Variants in DLC1 observed in about 807,000 individuals in gnomAD.
DLC1 encodes rho GTPase-activating protein 7.
Under a neutral mutation model 140.3 loss-of-function variants are expected in DLC1, and 54 were observed. That is an observed-to-expected ratio of 0.38 (90% CI 0.31 to 0.48). The LOEUF (loss-of-function observed/expected upper bound fraction) is 0.48. Among genes scored for constraint, DLC1 ranks in the 20% least tolerant of loss-of-function variants. The pLI, the probability that DLC1 is intolerant of heterozygous loss-of-function variation, is 0.96. For missense variants in DLC1, 2,536 were observed against 1,907.0 expected, an observed-to-expected ratio of 1.33 and a Z score of -6.14; for synonymous variants, 986 against 728.1, an observed-to-expected ratio of 1.35 and a Z score of -5.70.
rs756980680 is a variant in DLC1 at position 13,499,543 on chromosome 8, C to G, written c.529G>C (p.Glu177Gln). The G allele has an allele frequency of 8.1e-6, 13 of 1,614,160 alleles. No individual in the cohort carries two copies. Among genetic ancestry groups the G allele is most frequent in the Admixed American group, 1.7e-5 (1 of 60,028 alleles). The change falls in exon 2 of 18, where the codon GAA becomes CAA. Residue 177 changes from glutamate to glutamine, a missense_variant. Glu to Gln is a conservative substitution (Grantham distance 29, BLOSUM62 2). Coordinates refer to ENST00000276297, the MANE Select transcript of DLC1 (RefSeq NM_182643.3). ...TCAGTAACTTTTCTCTCCCCACTTT[C>G]TTTTACCAGTGCTAATTCAGTTTCA... is the stretch of plus-strand genomic sequence containing the variant. ...AGETELALVK[E>Q]SGERKVTDSI... is the part of the protein sequence containing the mutation.
chr8:13,493,960 G>T (rs1801381335), intron 2 of DLC1, among the ~76,000 whole-genome samples: 1 of 152,168 alleles, frequency 6.6e-6, no homozygotes, highest in African/African-American at 2.4e-5. Flanking sequence ...ATTTTTATCA[G>T]TCATAGACAA....
At chr8:13,487,024 C>T (rs1801000814) in intron 2 of DLC1, among the ~76,000 whole-genome samples, 1 of 152,124 alleles carries the variant, frequency 6.6e-6, no homozygotes, top group African/African-American at 2.4e-5. Context: ...GCAAATTATC[C>T]ACCGGCCCTC....
At position 13,401,484 on chromosome 8, in the gene DLC1, G is replaced by A. The variant is rs777009688; in HGVS notation, c.1159C>T (p.Arg387Trp). ...SSPSGTPTNL[R>W]RHVPDLESGS... The stretch of plus-strand genomic sequence containing the variant: ...GGAAAGCTCACAGGAACGTGCCGCC[G>A]CAGGTTTGTTGGTGTGCCTGATGGA... The change falls in exon 3 of 18, where the codon CGG (arginine) becomes TGG (tryptophan). Residue 387 changes from arginine to tryptophan, a missense_variant. By Grantham distance (101) the Arg-to-Trp change is moderately radical. Transcript: ENST00000276297. 7.4e-6 allele frequency: 12 copies of A among 1,612,354 alleles called. No homozygotes were observed. Among genetic ancestry groups the A allele is most frequent in the Middle Eastern group, 2.1e-4 (1 of 4,702 alleles).
intron 5 of DLC1, among the ~76,000 whole-genome samples, chr8:13,208,038 G>T (rs574227575): frequency 6.6e-6 from 1 of 152,244 alleles, no homozygotes; most frequent in East Asian, 1.9e-4. Context: ...ATTCACCATA[G>T]TATTTTGATT....
At position 13,367,655 on chromosome 8, in the gene DLC1, G is replaced by C. The variant is rs112024774; in HGVS notation, c.1314+25898C>G. Among the ~76,000 whole-genome samples the C allele has an allele frequency of 8.5e-5, 13 of 152,264 alleles. 1 individual carries two copies. Among genetic ancestry groups the C allele is most frequent in the African/African-American group, 3.1e-4 (13 of 41,556 alleles). On this transcript the variant is annotated intron_variant, in intron 4 of 17. Coordinates refer to ENST00000276297, the MANE Select transcript of DLC1 (RefSeq NM_182643.3). ...TGTATCCTTTGAAGTCATCATATCA[G>C]GCACTTTGTGATGTTTAGTGAAATA...
chr8:13,209,164 G>T (rs1382242663), intron 5 of DLC1, among the ~76,000 whole-genome samples: 1 of 152,118 alleles, frequency 6.6e-6, no homozygotes, highest in Non-Finnish European at 1.5e-5. Flanking sequence ...TACAGGAACT[G>T]CTAATAATTC....
intron 4 of DLC1, among the ~76,000 whole-genome samples, chr8:13,353,703 A>G (rs1015771060): frequency 2.0e-5 from 3 of 152,076 alleles, no homozygotes; most frequent in African/African-American, 7.2e-5. Context: ...ATTAAAATAT[A>G]AAAGTTAGCC....
intron 4 of DLC1, among the ~76,000 whole-genome samples, chr8:13,312,867 A>G (rs1190994645): frequency 6.6e-6 from 1 of 152,176 alleles, no homozygotes; most frequent in East Asian, 1.9e-4. Flanking sequence ...AGTAATGTAG[A>G]CATGTAGGCT....
chr8:13,471,658 C>G (rs1268308393), intron 2 of DLC1, among the ~76,000 whole-genome samples: 1 of 151,670 alleles, frequency 6.6e-6, no homozygotes, highest in Non-Finnish European at 1.5e-5. Context: ...ATGTAACAAA[C>G]CCACGCTTGT....
chr8:13,243,644 T>C (rs929699622), intron 5 of DLC1, among the ~76,000 whole-genome samples: 1 of 152,218 alleles, frequency 6.6e-6, no homozygotes, highest in Admixed American at 6.5e-5. Context: ...TGTTTCTCTT[T>C]GTCACTGTTG....
chr8:13,441,272 G>A (rs1345431456), intron 2 of DLC1, among the ~76,000 whole-genome samples: 2 of 152,116 alleles, frequency 1.3e-5, no homozygotes, highest in Admixed American at 1.3e-4. Context: ...GGCAAAAACT[G>A]GAAGCATTCC....
At chr8:13,410,989 C>G (rs73205786) in intron 2 of DLC1, among the ~76,000 whole-genome samples, 2 of 152,102 alleles carry the variant, frequency 1.3e-5, no homozygotes, top group Non-Finnish European at 2.9e-5. Flanking sequence ...AAAAATGAAC[C>G]CACCTGCAGA....
intron 5 of DLC1, among the ~76,000 whole-genome samples, chr8:13,162,612 G>A (rs1054209439): frequency 7.2e-5 from 11 of 152,186 alleles, no homozygotes; most frequent in Non-Finnish European, 1.2e-4. Flanking sequence ...CGTGAGCCAC[G>A]GCTCCCAGCC....
At chr8:13,119,590 G>T (rs1315580485) in intron 5 of DLC1, among the ~76,000 whole-genome samples, 1 of 152,108 alleles carries the variant, frequency 6.6e-6, no homozygotes, top group Non-Finnish European at 1.5e-5. Flanking sequence ...CTAAAATGTG[G>T]ATTACTAATA....
At chr8:13,537,573 G>T (rs753001302) in intron 1 of DLC1, among the ~76,000 whole-genome samples, 26 of 151,042 alleles carry the variant, frequency 1.7e-4, no homozygotes, top group Admixed American at 9.9e-4. Context: ...AGTGCAGAGT[G>T]ACAGTAACTG....
At chr8:13,129,666 T>C (rs919296684) in intron 5 of DLC1, among the ~76,000 whole-genome samples, 2 of 152,224 alleles carry the variant, frequency 1.3e-5, no homozygotes, top group Non-Finnish European at 2.9e-5. Flanking sequence ...AAAATCACCT[T>C]TCTCCCCAGG....
chr8:13,248,288 G>A (rs762185072), intron 5 of DLC1, among the ~76,000 whole-genome samples: 2 of 152,102 alleles, frequency 1.3e-5, no homozygotes, highest in Non-Finnish European at 2.9e-5. Context: ...GCACCTGTTG[G>A]TCCTATTGGA....
chr8:13,373,235 C>A (rs1462867569), intron 4 of DLC1, among the ~76,000 whole-genome samples: 2 of 152,084 alleles, frequency 1.3e-5, no homozygotes, highest in Non-Finnish European at 2.9e-5. Flanking sequence ...TTTTCTTAAT[C>A]CTTGTCTTCC....
chr8:13,454,892 C>T (rs1585137521), intron 2 of DLC1, among the ~76,000 whole-genome samples: 1 of 151,954 alleles, frequency 6.6e-6, no homozygotes, highest in Admixed American at 6.6e-5. Context: ...AGTATTGGGA[C>T]CATTTGTTGT....
Sources: gnomAD v4.1 joint callset for allele counts (sites outside exome capture counted in the v4.1 genomes callset) on GRCh38, gnomAD v4.1.1 for gene constraint, MANE v1.5 for transcripts, NCBI Gene and HGNC (gene_info 2026-07-23, HGNC 2026-07-21) for gene names.